VRK2: variants seen among roughly 807,000 people sequenced by gnomAD.
VRK2 encodes serine/threonine-protein kinase VRK2.
VRK2 carries 60 observed loss-of-function variants against 57.6 expected under a neutral mutation model. The observed-to-expected ratio is 1.04, with a 90% confidence interval of 0.85 to 1.29. The LOEUF is 1.29. Among genes scored for constraint, VRK2 ranks in the 50% most tolerant of loss-of-function variants. The probability of loss-of-function intolerance (pLI) is 0.00; values close to 1 mark genes in which losing one functional copy is unlikely to be tolerated. For synonymous variants in VRK2, 231 were observed against 199.2 expected (o/e 1.16, Z -1.35); for missense variants, 705 against 588.1 (o/e 1.20, Z -2.06).
intron 1 of VRK2, among the ~76,000 whole-genome samples, chr2:57,955,760 A>C (rs1261403284): frequency 6.6e-6 from 1 of 152,190 alleles, no homozygotes; most frequent in African/African-American, 2.4e-5. Context: ...AAATAGAATT[A>C]AATTTTTTAA....
intron 5 of VRK2, among the ~76,000 whole-genome samples, chr2:58,086,678 A>G (rs111760894): frequency 1.3e-5 from 2 of 152,266 alleles, no homozygotes; most frequent in African/African-American, 4.8e-5. Flanking sequence ...CTGGGGAAGT[A>G]TTTGTTTTCA....
chr2:58,096,818 C>G (rs1256477064), intron 7 of VRK2, among the ~76,000 whole-genome samples: 1 of 151,744 alleles, frequency 6.6e-6, no homozygotes, highest in Non-Finnish European at 1.5e-5. Context: ...GAGTTTAAGG[C>G]TATGAATTTT....
chr2:58,074,806 G>T (rs1038323958), intron 2 of VRK2, among the ~76,000 whole-genome samples: 3 of 151,990 alleles, frequency 2.0e-5, no homozygotes, highest in Admixed American at 1.3e-4. Flanking sequence ...TGCAAGGTGG[G>T]TCTACTGTTG....
At chr2:57,918,829 A>G (rs1226569325) in intron 1 of VRK2, among the ~76,000 whole-genome samples, 1 of 152,094 alleles carries the variant, frequency 6.6e-6, no homozygotes, top group South Asian at 2.1e-4. Context: ...TTGAAATTCC[A>G]TGAGCCCAGT....
rs137856075 is a variant in VRK2 at position 57,942,701 on chromosome 2, G to A, written c.-439+34862G>A. Among the ~76,000 whole-genome samples the A allele has an allele frequency of 2.0e-5, 3 of 152,220 alleles. No homozygotes were observed. In the East Asian group the frequency reaches 5.8e-4, roughly 29 times the overall value. On this transcript the variant is annotated intron_variant, in intron 1 of 15. Transcript: ENST00000417641. ...CGATGATACAAAATATTTCCTTTTGGTTTTATGACACAAATGTCTAAATGT... is the reference window on the plus strand; with the variant it reads ...CGATGATACAAAATATTTCCTTTTGATTTTATGACACAAATGTCTAAATGT...
In VRK2 at chr2:58,085,933, T is replaced by C. The variant is rs1384570481; in HGVS notation, c.257-406T>C. On this transcript the variant is annotated intron_variant, in intron 4 of 12. Coordinates refer to ENST00000340157, the MANE Select transcript of VRK2 (RefSeq NM_006296.7). ...GCCCAATTTCTGCTTTTTTTTTCTT[T>C]TTTTTTTTTTTTTGGTCCATTATGG... Among the ~76,000 whole-genome samples, 3 of 132,158 alleles carry C rather than the reference T, an allele frequency of 2.3e-5. No homozygotes were observed. In the South Asian group the frequency reaches 6.3e-4, roughly 28 times the overall value. The allele number at this position is 132,158 out of a possible 152,430, so 86.7% of individuals were successfully genotyped here.
At position 58,121,301 on chromosome 2, in the gene VRK2, C is replaced by T. The variant is rs117575820; in HGVS notation, c.544-1800C>T. Among the ~76,000 whole-genome samples the T allele has an allele frequency of 8.7e-4, 132 of 152,210 alleles. 1 individual carries two copies. Among genetic ancestry groups the T allele is most frequent in the East Asian group, 3.9e-3 (20 of 5,182 alleles). On this transcript the variant is annotated intron_variant, in intron 7 of 12. Coordinates refer to ENST00000340157, the MANE Select transcript of VRK2 (RefSeq NM_006296.7). ...GATAGCTCTTTTTTAAAATAGTAAA[C>T]TATTATATTAAAATACAATTCCATT...
intron 11 of VRK2, among the ~76,000 whole-genome samples, chr2:58,143,678 A>C (rs1681674502): frequency 6.6e-6 from 1 of 151,826 alleles, no homozygotes; most frequent in South Asian, 2.1e-4. Flanking sequence ...AGCACTAAAA[A>C]CTTCAATATC....
At chr2:58,079,586 G>C (rs185599277) in intron 2 of VRK2, among the ~76,000 whole-genome samples, 2 of 152,052 alleles carry the variant, frequency 1.3e-5, no homozygotes, top group African/African-American at 4.8e-5. Flanking sequence ...ACTTAAATCA[G>C]TAGACAATGG....
intron 7 of VRK2, among the ~76,000 whole-genome samples, chr2:58,114,448 T>C (rs1676105075): frequency 6.6e-6 from 1 of 152,178 alleles, no homozygotes. Flanking sequence ...GGGCACAGTC[T>C]AAGTTGGTCT....
rs560551805 is a variant in VRK2 at position 58,027,523 on chromosome 2, G to A, written c.-333+1753G>A. 1.1e-3 allele frequency among the ~76,000 whole-genome samples: 164 copies of A among 152,134 alleles called. 1 individual carries two copies. Among genetic ancestry groups the A allele is most frequent in the Non-Finnish European group, 1.7e-3 (116 of 68,016 alleles). On this transcript the variant is annotated intron_variant, in intron 2 of 15. Coordinates refer to the VRK2 transcript ENST00000417641. ...GATTTTGTTGGTTCTCATGTTAGCA[G>A]TAGTAATGGAGGGCAGTGGTGAAAA... is the stretch of plus-strand genomic sequence containing the variant.
chr2:58,074,127 G>T (rs578147577), intron 2 of VRK2, among the ~76,000 whole-genome samples: 2 of 152,160 alleles, frequency 1.3e-5, no homozygotes, highest in African/African-American at 4.8e-5. Flanking sequence ...TTTGATTTGT[G>T]TTAGCATGAT....
At chr2:58,092,717 G>A (rs996877233) in intron 7 of VRK2, among the ~76,000 whole-genome samples, 4 of 152,106 alleles carry the variant, frequency 2.6e-5, no homozygotes, top group African/African-American at 9.7e-5. Flanking sequence ...ACAAAGTGCA[G>A]GTTTGTTATA....
intron 1 of VRK2, among the ~76,000 whole-genome samples, chr2:58,002,129 T>C (rs1289600203): frequency 6.6e-6 from 1 of 152,156 alleles, no homozygotes; most frequent in Non-Finnish European, 1.5e-5. Context: ...TAGAGAATAA[T>C]ATCTGCTCTT....
chr2:57,972,133 T>G (rs1672114784), intron 1 of VRK2, among the ~76,000 whole-genome samples: 1 of 151,826 alleles, frequency 6.6e-6, no homozygotes, highest in African/African-American at 2.4e-5. Context: ...TTTGTTTTAC[T>G]GGGAAATGGT....
intron 1 of VRK2, among the ~76,000 whole-genome samples, chr2:57,977,932 G>A (rs1248317110): frequency 6.6e-6 from 1 of 151,270 alleles, no homozygotes; most frequent in Non-Finnish European, 1.5e-5. Context: ...CATGAAGGGT[G>A]TTGAATTTTA....
At chr2:58,124,319 A>G (rs1677980501) in intron 8 of VRK2, among the ~76,000 whole-genome samples, 1 of 152,210 alleles carries the variant, frequency 6.6e-6, no homozygotes, top group Non-Finnish European at 1.5e-5. Context: ...TTTGTTCACA[A>G]TCAATATGGT....
At chr2:57,985,967 G>A (rs1672581225) in intron 1 of VRK2, among the ~76,000 whole-genome samples, 1 of 151,964 alleles carries the variant, frequency 6.6e-6, no homozygotes, top group African/African-American at 2.4e-5. Flanking sequence ...AACTAAATAT[G>A]GACTATATGC....
intron 7 of VRK2, among the ~76,000 whole-genome samples, chr2:58,121,277 A>G (rs944071780): frequency 7.9e-5 from 12 of 152,232 alleles, no homozygotes; most frequent in Non-Finnish European, 1.6e-4. Flanking sequence ...CAGCTTCTTG[A>G]TAGCTCTTTT....
Sources: gnomAD v4.1 joint callset for allele counts (sites outside exome capture counted in the v4.1 genomes callset) on GRCh38, gnomAD v4.1.1 for gene constraint, MANE v1.5 for transcripts, NCBI Gene and HGNC (gene_info 2026-07-23, HGNC 2026-07-21) for gene names.